KCTD7: variants seen among roughly 807,000 people sequenced by gnomAD.
The protein encoded by KCTD7 is BTB/POZ domain-containing protein KCTD7.
Under a neutral mutation model 27.0 loss-of-function variants are expected in KCTD7, and 15 were observed. The ratio of observed to expected loss-of-function variants is 0.56; its 90% CI spans 0.37 to 0.86. The LOEUF is 0.86. Among genes scored for constraint, KCTD7 ranks in the 40% least tolerant of loss-of-function variants. KCTD7 has a pLI of 0.00. For synonymous variants in KCTD7, 159 were observed against 162.7 expected, an observed-to-expected ratio of 0.98 and a Z score of 0.17; for missense variants, 299 against 398.9, an observed-to-expected ratio of 0.75 and a Z score of 2.13.
At chr7:66,637,049 T>G (rs1255743931) in intron 2 of KCTD7, among the ~76,000 whole-genome samples, 1 of 152,212 alleles carries the variant, frequency 6.6e-6, no homozygotes, top group Non-Finnish European at 1.5e-5. Flanking sequence ...CTGCTAATAC[T>G]TAAAAGAAAT....
intron 1 of KCTD7, 69 bp downstream of exon 1, chr7:66,629,277 G>A (rs1293666376): frequency 9.2e-7 from 1 of 1,085,112 alleles, no homozygotes; most frequent in Non-Finnish European, 1.2e-6. Flanking sequence ...GCGGGGCATA[G>A]CGGTCCTCGG....
Position 66,643,025 on chromosome 7 carries a change from G to A in KCTD7, c.*3793G>A, listed in dbSNP as rs922738470. On this transcript the variant is annotated 3_prime_UTR_variant, in exon 4 of 4. Transcript: ENST00000639828. ...GTATTGAGCCTCAGTACACTCCAAGGGCATTAAAGTCAAGAACTAGAACCT... is the reference window on the plus strand; with the variant it reads ...GTATTGAGCCTCAGTACACTCCAAGAGCATTAAAGTCAAGAACTAGAACCT... 1.0e-5 allele frequency: 10 copies of A among 985,210 alleles called. No homozygotes were observed. Among genetic ancestry groups the A allele is most frequent in the Non-Finnish European group, 1.2e-5 (10 of 829,926 alleles). 61.0% of individuals were successfully genotyped at this position (985,210 alleles called of 1,614,324 possible).
chr7:66,637,865 A>G (rs976564498), intron 2 of KCTD7, among the ~76,000 whole-genome samples: 11 of 152,160 alleles, frequency 7.2e-5, no homozygotes, highest in Non-Finnish European at 2.9e-5. Flanking sequence ...ACATTTATTG[A>G]ATATTTCACC....
chr7:66,642,501 A>AAG lies in KCTD7; in HGVS notation c.*3269_*3270insAG, dbSNP rs1786743366. On this transcript the variant is annotated 3_prime_UTR_variant, in exon 4 of 4. Transcript: ENST00000639828. ...GCATCCATGTGTGGTCTTGGTCTAAACCAGCTCTTGAACAGGTTAAAGCAA... is the reference window on the plus strand; with the variant it reads ...GCATCCATGTGTGGTCTTGGTCTAAAAGCCAGCTCTTGAACAGGTTAAAGCAA... 1 of 985,326 alleles carries AAG rather than the reference A, an allele frequency of 1.0e-6. No individual in the cohort carries two copies. Among genetic ancestry groups the AAG allele is most frequent in the Non-Finnish European group, 1.2e-6 (1 of 829,952 alleles). 61.0% of individuals were successfully genotyped at this position (985,326 alleles called of 1,614,324 possible). A position where few individuals can be genotyped will look rare whatever the true frequency, so the allele number is the denominator to read the frequency against.
At chr7:66,632,180 G>A (rs946193400) in intron 1 of KCTD7, among the ~76,000 whole-genome samples, 6 of 152,210 alleles carry the variant, frequency 3.9e-5, no homozygotes, top group African/African-American at 4.8e-5. Context: ...GTGTGTTGGT[G>A]TGAATTAGAA....
In KCTD7 at chr7:66,640,942, G is replaced by A; in HGVS notation, c.*1710G>A. ...GGGGAGCTGAAGTCTGTGTTCATAT[G>A]AGGAAGAGAAGACCAAGCCCTGGGA... On this transcript the variant is annotated 3_prime_UTR_variant, in exon 4 of 4. Coordinates refer to ENST00000639828, the MANE Select transcript of KCTD7 (RefSeq NM_153033.5). 1.0e-6 allele frequency: 1 copy of A among 985,568 alleles called. No homozygotes were observed. Among genetic ancestry groups the A allele is most frequent in the Non-Finnish European group, 1.2e-6 (1 of 830,032 alleles). 61.1% of individuals were successfully genotyped at this position (985,568 alleles called of 1,614,324 possible).
rs1584401687 is a variant in KCTD7 at position 66,642,337 on chromosome 7, T to C, written c.*3105T>C. Reference sequence around the variant, plus strand: ...TCAGCTGTACTCTGGAAGTTTCTGTTCTTCTTTCCTGGGGCTTAGGATATT... The same window carrying C: ...TCAGCTGTACTCTGGAAGTTTCTGTCCTTCTTTCCTGGGGCTTAGGATATT... On this transcript the variant is annotated 3_prime_UTR_variant, in exon 4 of 4. Transcript: ENST00000639828. 7.1e-6 allele frequency: 7 copies of C among 985,466 alleles called. No individual in the cohort carries two copies. In the African/African-American group the frequency reaches 1.0e-4, roughly 15 times the overall value. The allele number at this position is 985,466 out of a possible 1,614,324, so 61.0% of individuals were successfully genotyped here. A position where few individuals can be genotyped will look rare whatever the true frequency, so the allele number is the denominator to read the frequency against.
chr7:66,640,819 C>T lies in KCTD7; in HGVS notation c.*1587C>T, dbSNP rs190087991. ...GCTAGCCACTGTGCTCCAGCCTGGG[C>T]AACACCATCGTAAAAATAAATAAAT... is the stretch of plus-strand genomic sequence containing the variant. On this transcript the variant is annotated 3_prime_UTR_variant, in exon 4 of 4. Coordinates refer to ENST00000639828, the MANE Select transcript of KCTD7 (RefSeq NM_153033.5). 155 of 978,460 alleles carry T rather than the reference C, an allele frequency of 1.6e-4. 1 individual carries two copies. The East Asian group carries it at 0.01, about 66-fold the overall frequency. The allele number at this position is 978,460 out of a possible 1,614,324, so 60.6% of individuals were successfully genotyped here.
chr7:66,628,943 C>T lies in KCTD7; in HGVS notation c.-122C>T, dbSNP rs1285528070. The stretch of plus-strand genomic sequence containing the variant: ...GCCCTCCCGCCTGCGCACTGCCTCT[C>T]GCCCCCCTCCGGCCAGCCCGCAGCC... On this transcript the variant is annotated 5_prime_UTR_variant, in exon 1 of 4. Coordinates refer to ENST00000639828, the MANE Select transcript of KCTD7 (RefSeq NM_153033.5). 3.0e-6 allele frequency: 3 copies of T among 1,014,216 alleles called. No individual in the cohort carries two copies. Among genetic ancestry groups the T allele is most frequent in the African/African-American group, 1.7e-5 (1 of 58,630 alleles). The allele number at this position is 1,014,216 out of a possible 1,614,324, so 62.8% of individuals were successfully genotyped here. A position where few individuals can be genotyped will look rare whatever the true frequency, so the allele number is the denominator to read the frequency against.
chr7:66,639,162 G>A lies in KCTD7; in HGVS notation c.800G>A (p.Cys267Tyr). Residue 267 changes from cysteine (C) to tyrosine (Y), a missense_variant, in exon 4 of 4, where the codon TGT becomes TAT. Coordinates refer to ENST00000639828, the MANE Select transcript of KCTD7 (RefSeq NM_153033.5). ...GTGGACCACCAGTGCATCGGGGTGTGTGACAAGCACCTCGTGAACCACTAC... is the reference window on the plus strand; with the variant it reads ...GTGGACCACCAGTGCATCGGGGTGTATGACAAGCACCTCGTGAACCACTAC... The part of the protein sequence containing the change: ...LTVDHQCIGV[C>Y]DKHLVNHYYC... The A allele has an allele frequency of 6.2e-7, 1 of 1,614,130 alleles. No individual in the cohort carries two copies. Among genetic ancestry groups the A allele is most frequent in the Non-Finnish European group, 8.5e-7 (1 of 1,180,036 alleles).
rs387907261 is a variant in KCTD7 at position 66,639,180 on chromosome 7, A to G, written c.818A>G (p.Asn273Ser). ...CIGVCDKHLV[N>S]HYYCKRPIYE... ...GGGGTGTGTGACAAGCACCTCGTGA[A>G]CCACTACTACTGCAAGCGCCCCATC... The change falls in exon 4 of 4, where the codon AAC (asparagine) becomes AGC (serine). Residue 273 changes from asparagine to serine, a missense_variant. By Grantham distance (46) the Asn-to-Ser change is conservative. Transcript: ENST00000639828. 6.2e-7 allele frequency: 1 copy of G among 1,613,846 alleles called. No individual in the cohort carries two copies. The highest frequency in any genetic ancestry group is 8.5e-7 in the Non-Finnish European group (1 of 1,180,024).
In KCTD7 at chr7:66,640,789, C is replaced by T; in HGVS notation, c.*1557C>T. ...AGACTGTAGTATACTATGATCGTGC[C>T]TGTGGCTAGCCACTGTGCTCCAGCC... On this transcript the variant is annotated 3_prime_UTR_variant, in exon 4 of 4. Transcript: ENST00000639828. 1 of 983,658 alleles carries T rather than the reference C, an allele frequency of 1.0e-6. No individual in the cohort carries two copies. Among genetic ancestry groups the T allele is most frequent in the Non-Finnish European group, 1.2e-6 (1 of 823,712 alleles). 60.9% of individuals were successfully genotyped at this position (983,658 alleles called of 1,614,324 possible).
Position 66,628,934 on chromosome 7 carries a change from A to C in KCTD7, c.-131A>C. On this transcript the variant is annotated 5_prime_UTR_variant, in exon 1 of 4. Coordinates refer to ENST00000639828, the MANE Select transcript of KCTD7 (RefSeq NM_153033.5). The stretch of plus-strand genomic sequence containing the variant: ...GGAGCCACCGCCCTCCCGCCTGCGC[A>C]CTGCCTCTCGCCCCCCTCCGGCCAG... The C allele has an allele frequency of 2.2e-6, 2 of 913,354 alleles. No homozygotes were observed. Among genetic ancestry groups the C allele is most frequent in the South Asian group, 2.5e-5 (1 of 40,528 alleles). 56.6% of individuals were successfully genotyped at this position (913,354 alleles called of 1,614,324 possible). A position where few individuals can be genotyped will look rare whatever the true frequency, so the allele number is the denominator to read the frequency against.
In KCTD7 at chr7:66,633,468, A is replaced by G. The variant is rs369305390; in HGVS notation, c.314+24A>G. 50 of 1,611,118 alleles carry G rather than the reference A, an allele frequency of 3.1e-5. 1 individual carries two copies. Among genetic ancestry groups the G allele is most frequent in the Non-Finnish European group, 2.2e-5 (26 of 1,177,416 alleles). On this transcript the variant is annotated intron_variant, in intron 2 of 3. Coordinates refer to ENST00000639828, the MANE Select transcript of KCTD7 (RefSeq NM_153033.5). ...GGGTATGTCTCTCCCTCTACAATCA[A>G]CTTTGTAGTCCTAGCAGGTGATTAG...
Position 66,639,641 on chromosome 7 carries a change from C to A in KCTD7, c.*409C>A. Reference sequence around the variant, plus strand: ...TCCTCAACCCTGTTCAAGCGTCCCTCCCTTGTGCTCAGTATATTGGTGTGA... The same window carrying A: ...TCCTCAACCCTGTTCAAGCGTCCCTACCTTGTGCTCAGTATATTGGTGTGA... On this transcript the variant is annotated 3_prime_UTR_variant, in exon 4 of 4. Coordinates refer to ENST00000639828, the MANE Select transcript of KCTD7 (RefSeq NM_153033.5). 7.4e-7 allele frequency: 1 copy of A among 1,342,448 alleles called. No individual in the cohort carries two copies. Among genetic ancestry groups the A allele is most frequent in the Non-Finnish European group, 9.6e-7 (1 of 1,044,432 alleles). 83.2% of individuals were successfully genotyped at this position (1,342,448 alleles called of 1,614,324 possible).
rs1406618020 is a variant in KCTD7 at position 66,638,965 on chromosome 7, C to G, written c.603C>G (p.Pro201=). 6.8e-6 allele frequency: 11 copies of G among 1,614,214 alleles called. No individual in the cohort carries two copies. The South Asian group carries it at 1.2e-4, about 18-fold the overall frequency. The stretch of plus-strand genomic sequence containing the variant: ...TCAAGGAGGAGATGCCCATCACCCC[C>G]TATGAGTGTCCGCTCCTCAACTCCC... ...CVFKEEMPIT[P]YECPLLNSLR... Residue 201 remains proline, a synonymous_variant, in exon 4 of 4, where the codon CCC becomes CCG. Coordinates refer to ENST00000639828, the MANE Select transcript of KCTD7 (RefSeq NM_153033.5).
chr7:66,637,072 C>G (rs1313919345), intron 2 of KCTD7, among the ~76,000 whole-genome samples: 1 of 152,120 alleles, frequency 6.6e-6, no homozygotes, highest in African/African-American at 2.4e-5. Flanking sequence ...GTGCTTGTGT[C>G]CACTAAAGGT....
chr7:66,641,020 T>C lies in KCTD7; in HGVS notation c.*1788T>C. On this transcript the variant is annotated 3_prime_UTR_variant, in exon 4 of 4. Coordinates refer to ENST00000639828, the MANE Select transcript of KCTD7 (RefSeq NM_153033.5). ...GACGGCAGTGATCTCCTGTTCCCTATGTGTAAACAAAGATTCCAGGGCGTG... is the reference window on the plus strand; with the variant it reads ...GACGGCAGTGATCTCCTGTTCCCTACGTGTAAACAAAGATTCCAGGGCGTG... The C allele has an allele frequency of 1.0e-6, 1 of 985,424 alleles. No homozygotes were observed. The highest frequency in any genetic ancestry group is 4.7e-5 in the South Asian group (1 of 21,282). The allele number at this position is 985,424 out of a possible 1,614,324, so 61.0% of individuals were successfully genotyped here.
rs1185489558 is a variant in KCTD7, at chr7:66,639,370, A to G, written c.*138A>G. On this transcript the variant is annotated 3_prime_UTR_variant, in exon 4 of 4. Coordinates refer to ENST00000639828, the MANE Select transcript of KCTD7 (RefSeq NM_153033.5). The stretch of plus-strand genomic sequence containing the variant: ...AACAGCATCCTGAGGCACAGCTCCC[A>G]GGGGACAGAGGTGTAGCTCCAATCT... 8.4e-6 allele frequency: 13 copies of G among 1,544,120 alleles called. No homozygotes were observed. The Admixed American group carries it at 2.2e-4, about 27-fold the overall frequency.
Sources: gnomAD v4.1 joint callset for allele counts (sites outside exome capture counted in the v4.1 genomes callset) on GRCh38, gnomAD v4.1.1 for gene constraint, MANE v1.5 for transcripts, NCBI Gene and HGNC (gene_info 2026-07-23, HGNC 2026-07-21) for gene names.